Variants in GABRB1 observed in about 807,000 individuals in gnomAD.
The protein encoded by GABRB1 is gamma-aminobutyric acid type A receptor subunit beta1.
A neutral mutation model predicts 51.6 loss-of-function variants in GABRB1; 17 were observed. That is an observed-to-expected ratio of 0.33 (90% confidence interval 0.23 to 0.49). The LOEUF (loss-of-function observed/expected upper bound fraction) is 0.49, where lower values mean the gene tolerates loss of function less well. Among genes scored for constraint, GABRB1 ranks in the 20% least tolerant of loss-of-function variants. GABRB1 has a pLI of 0.99. For missense variants in GABRB1, 410 were observed against 600.6 expected (o/e 0.68, Z 3.32); for synonymous variants, 247 against 218.9 (o/e 1.13, Z -1.14).
chr4:47,101,105 C>T (rs1383382139), intron 3 of GABRB1, among the ~76,000 whole-genome samples: 1 of 151,940 alleles, frequency 6.6e-6, no homozygotes, highest in African/African-American at 2.4e-5. Flanking sequence ...TACGTGGGCT[C>T]ATCTTCACCT....
chr4:47,266,623 C>A (rs1722653168), intron 4 of GABRB1, among the ~76,000 whole-genome samples: 1 of 152,040 alleles, frequency 6.6e-6, no homozygotes, highest in South Asian at 2.1e-4. Context: ...TACTTTATTT[C>A]ACTGTGGTCT....
rs551704702 is a variant in GABRB1, at chr4:47,146,553, C to T, written c.241-14696C>T. Reference sequence around the variant, plus strand: ...CCCTTAGGGAATTCCAGGCCACTCTCAAATTAATTCCCCAATAATGACATG... The same window carrying T: ...CCCTTAGGGAATTCCAGGCCACTCTTAAATTAATTCCCCAATAATGACATG... On this transcript the variant is annotated intron_variant, in intron 3 of 8. Transcript: ENST00000295454. Among the ~76,000 whole-genome samples the T allele has an allele frequency of 2.6e-5, 4 of 152,170 alleles. No homozygotes were observed. The South Asian group carries it at 8.3e-4, about 32-fold the overall frequency.
chr4:47,353,472 G>C (rs1391841192), intron 5 of GABRB1, among the ~76,000 whole-genome samples: 1 of 152,012 alleles, frequency 6.6e-6, no homozygotes, highest in Non-Finnish European at 1.5e-5. Context: ...TGCAAATCTT[G>C]GTATAAATGC....
chr4:47,247,797 G>A (rs1721823509), intron 4 of GABRB1, among the ~76,000 whole-genome samples: 1 of 151,980 alleles, frequency 6.6e-6, no homozygotes, highest in Non-Finnish European at 1.5e-5. Flanking sequence ...AAGGAGTTGA[G>A]ATCTTGATTT....
rs10672251 is a variant in GABRB1, at chr4:47,346,047, C to CAAAAAA, written c.544+25843_544+25848dup. 3.6e-4 allele frequency among the ~76,000 whole-genome samples: 51 copies of CAAAAAA among 142,926 alleles called. No individual in the cohort carries two copies. The East Asian group carries it at 4.1e-3, about 11-fold the overall frequency. 93.8% of individuals were successfully genotyped at this position (142,926 alleles called of 152,430 possible). On this transcript the variant is annotated intron_variant, in intron 5 of 8. Coordinates refer to ENST00000295454, the MANE Select transcript of GABRB1 (RefSeq NM_000812.4). ...GGTATAAAGATATTGTTGAAAATGG[C>CAAAAAA]AAAAAAAAAAGGCCTGCAGATACCC...
At chr4:47,325,604 A>G (rs532562604) in intron 5 of GABRB1, among the ~76,000 whole-genome samples, 8 of 152,234 alleles carry the variant, frequency 5.3e-5, no homozygotes, top group African/African-American at 1.9e-4. Context: ...ACTCCAGCAC[A>G]ATAGACTTTG....
At chr4:47,159,427 C>T (rs2109734124) in intron 3 of GABRB1, among the ~76,000 whole-genome samples, 1 of 151,898 alleles carries the variant, frequency 6.6e-6, no homozygotes, top group African/African-American at 2.4e-5. Flanking sequence ...TCATTTTCCT[C>T]CAAAAAGTCA....
chr4:47,130,391 A>T (rs1716359155), intron 3 of GABRB1, among the ~76,000 whole-genome samples: 1 of 147,296 alleles, frequency 6.8e-6, no homozygotes, highest in Non-Finnish European at 1.5e-5. Flanking sequence ...TTTCTTTTCC[A>T]GTTTAAGAAA....
intron 5 of GABRB1, among the ~76,000 whole-genome samples, chr4:47,351,304 T>A (rs1387998100): frequency 6.6e-6 from 1 of 152,204 alleles, no homozygotes. Context: ...TTAGGCCAAG[T>A]GTGTCTATAA....
chr4:47,070,479 C>A (rs552914617), intron 3 of GABRB1, among the ~76,000 whole-genome samples: 5 of 152,094 alleles, frequency 3.3e-5, no homozygotes, highest in African/African-American at 1.2e-4. Flanking sequence ...TTACAGGCGC[C>A]AGCTACCATG....
At chr4:47,021,043 T>C (rs190031922) in intron 1 of GABRB1, among the ~76,000 whole-genome samples, 1 of 152,332 alleles carries the variant, frequency 6.6e-6, no homozygotes, top group Admixed American at 6.5e-5. Context: ...TGCAGTTCTT[T>C]ACTCAAATGT....
intron 5 of GABRB1, among the ~76,000 whole-genome samples, chr4:47,368,160 TA>T (rs749773753): frequency 6.6e-6 from 1 of 152,162 alleles, no homozygotes; most frequent in Non-Finnish European, 1.5e-5. Flanking sequence ...GCATTTCCCA[TA>T]ATTGGAATCT....
At chr4:47,193,400 G>A (rs1048430396) in intron 4 of GABRB1, among the ~76,000 whole-genome samples, 6 of 152,178 alleles carry the variant, frequency 3.9e-5, no homozygotes, top group East Asian at 3.8e-4. Context: ...AATTACAGGC[G>A]TGAGCCACTG....
chr4:47,269,332 T>TAAATG (rs1722764459), intron 4 of GABRB1, among the ~76,000 whole-genome samples: 1 of 152,222 alleles, frequency 6.6e-6, no homozygotes, highest in Non-Finnish European at 1.5e-5. Context: ...ACTTAAGGTT[T>TAAATG]CTTAGGCAAG....
At chr4:47,175,928 T>C (rs1357918933) in intron 4 of GABRB1, among the ~76,000 whole-genome samples, 1 of 152,192 alleles carries the variant, frequency 6.6e-6, no homozygotes, top group East Asian at 1.9e-4. Context: ...CTGAAGGTGA[T>C]TATTGGAAAT....
intron 4 of GABRB1, among the ~76,000 whole-genome samples, chr4:47,273,030 T>C (rs1412084382): frequency 1.3e-5 from 2 of 152,094 alleles, no homozygotes; most frequent in African/African-American, 4.8e-5. Context: ...TAATTATCCA[T>C]AAACCAAGTA....
At chr4:47,398,086 G>C (rs181937045) in intron 5 of GABRB1, among the ~76,000 whole-genome samples, 1 of 151,900 alleles carries the variant, frequency 6.6e-6, no homozygotes, top group Non-Finnish European at 1.5e-5. Flanking sequence ...TTTAAATGTT[G>C]CTTCATATGT....
At chr4:47,341,583 A>C (rs185116580) in intron 5 of GABRB1, among the ~76,000 whole-genome samples, 1 of 152,198 alleles carries the variant, frequency 6.6e-6, no homozygotes, top group Non-Finnish European at 1.5e-5. Context: ...GTGTTCTTCT[A>C]CAGTATCACA....
intron 3 of GABRB1, among the ~76,000 whole-genome samples, chr4:47,142,596 G>A (rs1716979680): frequency 6.6e-6 from 1 of 151,870 alleles, no homozygotes; most frequent in African/African-American, 2.4e-5. Flanking sequence ...AGTTTGGAGG[G>A]GTAAGTGAAT....
Sources: allele counts gnomAD v4.1 joint callset (sites outside exome capture counted in the v4.1 genomes callset), GRCh38; gene constraint gnomAD v4.1.1; transcripts MANE v1.5; gene names NCBI Gene and HGNC (gene_info 2026-07-23, HGNC 2026-07-21).